FNDC3A: variants seen among roughly 807,000 people sequenced by gnomAD.
FNDC3A encodes fibronectin type-III domain-containing protein 3A.
Under a neutral mutation model 148.9 loss-of-function variants are expected in FNDC3A, and 32 were observed. The ratio of observed to expected loss-of-function variants is 0.21; its 90% CI spans 0.16 to 0.29. The LOEUF is 0.29. Ranked by LOEUF, FNDC3A falls within the 10% of genes least tolerant of loss-of-function variation. The pLI, the probability that FNDC3A is intolerant of heterozygous loss-of-function variation, is 1.00. For missense variants in FNDC3A, 1,191 were observed against 1,452.8 expected (o/e 0.82, Z 2.93); for synonymous variants, 472 against 473.6 (o/e 1.00, Z 0.04).
chr13:49,116,713 G>A (rs1880985139), intron 4 of FNDC3A, among the ~76,000 whole-genome samples: 5 of 151,520 alleles, frequency 3.3e-5, no homozygotes, highest in Admixed American at 3.3e-4. Context: ...TTGAACCTGG[G>A]AGGCGGAGGT....
intron 10 of FNDC3A, among the ~76,000 whole-genome samples, chr13:49,170,933 A>T (rs893578907): frequency 6.6e-6 from 1 of 152,162 alleles, no homozygotes; most frequent in East Asian, 1.9e-4. Context: ...AGTCATTAAC[A>T]CTTGGAAAAT....
intron 2 of FNDC3A, among the ~76,000 whole-genome samples, chr13:49,064,711 G>C (rs1259728142): frequency 6.6e-6 from 1 of 152,272 alleles, no homozygotes; most frequent in East Asian, 1.9e-4. Context: ...TCCTCCTGGG[G>C]TGGAGACTTT....
At chr13:49,146,478 T>A (rs1354999944) in intron 8 of FNDC3A, 1 of 152,550 alleles carries the variant, frequency 6.6e-6, no homozygotes, top group East Asian at 1.9e-4. Flanking sequence ...GGCTCACGCC[T>A]GTAATCCCAG....
chr13:48,994,740 G>T (rs1425520336), intron 1 of FNDC3A, among the ~76,000 whole-genome samples: 1 of 151,594 alleles, frequency 6.6e-6, no homozygotes, highest in Non-Finnish European at 1.5e-5. Context: ...ATGTGCCACT[G>T]CTCTCCAGCC....
chr13:49,028,903 A>G (rs1252539255), intron 2 of FNDC3A, among the ~76,000 whole-genome samples: 1 of 152,226 alleles, frequency 6.6e-6, no homozygotes, highest in Non-Finnish European at 1.5e-5. Flanking sequence ...CATGTATAAT[A>G]TTTTCAAGTA....
intron 15 of FNDC3A, 111 bp downstream of exon 15, chr13:49,186,213 C>A: frequency 2.3e-6 from 2 of 887,510 alleles, no homozygotes; most frequent in South Asian, 1.8e-5. Flanking sequence ...TCAAGCCAGT[C>A]CAAAAAGAAA....
At position 49,182,599 on chromosome 13, in the gene FNDC3A, A is replaced by G. The variant is rs569719424; in HGVS notation, c.1618-3365A>G. Among the ~76,000 whole-genome samples, 6 of 152,116 alleles carry G rather than the reference A, an allele frequency of 3.9e-5. No homozygotes were observed. In the South Asian group the frequency reaches 1.0e-3, roughly 26 times the overall value. ...GATGTAGTAAGGCTTCTAAAGGTCA[A>G]GTTATCTTGAGCTAAGAACCTTTAG... On this transcript the variant is annotated intron_variant, in intron 14 of 25. Transcript: ENST00000492622.
In FNDC3A at chr13:49,175,554, A is replaced by C; in HGVS notation, c.1530+13A>C. 1.3e-6 allele frequency: 2 copies of C among 1,572,806 alleles called. No homozygotes were observed. Among genetic ancestry groups the C allele is most frequent in the Admixed American group, 3.5e-5 (2 of 56,634 alleles). On this transcript the variant is annotated intron_variant, in intron 13 of 25. Transcript: ENST00000492622. ...GGAAGAAACTTCAGTAAGTGCAAATATGGATTTTAAATAGTGTATTTAAAA... is the reference window on the plus strand; with the variant it reads ...GGAAGAAACTTCAGTAAGTGCAAATCTGGATTTTAAATAGTGTATTTAAAA...
chr13:49,198,502 G>A lies in FNDC3A; in HGVS notation c.2915G>A (p.Gly972Glu). 2 of 1,614,160 alleles carry A rather than the reference G, an allele frequency of 1.2e-6. No homozygotes were observed. The highest frequency in any genetic ancestry group is 1.7e-6 in the Non-Finnish European group (2 of 1,179,998). Residue 972 changes from glycine to glutamate, a missense_variant, in exon 23 of 26, where the codon GGA becomes GAA. Physicochemically the swap from Gly to Glu is moderately conservative, Grantham distance 98. Transcript: ENST00000492622. ...FSHQNLKLKWGEGTPKTLSTD... is the reference protein window; with the variant it reads ...FSHQNLKLKWEEGTPKTLSTD... ...CACCAGAACCTTAAGCTGAAATGGG[G>A]AGAAGGAACTCCAAAGACATTGTCA...
intron 3 of FNDC3A, among the ~76,000 whole-genome samples, chr13:49,103,496 G>A (rs1879985466): frequency 6.6e-6 from 1 of 152,184 alleles, no homozygotes; most frequent in Non-Finnish European, 1.5e-5. Flanking sequence ...TGGGTTATAA[G>A]CAGAGGAGGA....
At chr13:48,981,774 G>T (rs535492501) in intron 1 of FNDC3A, among the ~76,000 whole-genome samples, 5 of 151,952 alleles carry the variant, frequency 3.3e-5, no homozygotes, top group Non-Finnish European at 7.4e-5. Context: ...TGGTGTAAAA[G>T]TTACCTAAGT....
intron 4 of FNDC3A, among the ~76,000 whole-genome samples, chr13:49,121,016 C>G (rs1412188121): frequency 1.3e-5 from 2 of 152,206 alleles, no homozygotes; most frequent in Non-Finnish European, 2.9e-5. Context: ...CTACAGAACT[C>G]TCCACCCCAA....
chr13:49,005,722 T>TTGAG (rs1318880336), intron 1 of FNDC3A, among the ~76,000 whole-genome samples: 2 of 151,922 alleles, frequency 1.3e-5, no homozygotes, highest in Non-Finnish European at 2.9e-5. Flanking sequence ...ATGAGGGGGA[T>TTGAG]TGAGTCTTCA....
At chr13:49,015,188 G>A (rs933674308) in intron 2 of FNDC3A, among the ~76,000 whole-genome samples, 71 of 152,230 alleles carry the variant, frequency 4.7e-4, no homozygotes, top group Admixed American at 3.6e-3. Context: ...ATTACCTTGG[G>A]CAGTATGGCC....
chr13:49,174,707 G>A, intron 12 of FNDC3A, 148 bp downstream of exon 12: 1 of 657,940 alleles, frequency 1.5e-6, no homozygotes, highest in Non-Finnish European at 2.5e-6. Flanking sequence ...TACCAGTCTA[G>A]CAAAAGCTAT....
chr13:49,013,488 A>G (rs1856496419), intron 2 of FNDC3A, among the ~76,000 whole-genome samples: 1 of 150,294 alleles, frequency 6.7e-6, no homozygotes, highest in East Asian at 1.9e-4. Context: ...GTATACATGT[A>G]TATACATGTA....
At position 49,208,113 on chromosome 13, in the gene FNDC3A, A is replaced by G. The variant is rs1003794967; in HGVS notation, c.*718A>G. On this transcript the variant is annotated 3_prime_UTR_variant, in exon 26 of 26. Transcript: ENST00000492622. ...TCAGGTCTTGAGAACATGGAAAAGA[A>G]TTGAGTGCTTTTAAATACTTTTTAG... The G allele has an allele frequency of 3.9e-5, 6 of 152,264 alleles. No individual in the cohort carries two copies. Among genetic ancestry groups the G allele is most frequent in the Admixed American group, 2.6e-4 (4 of 15,282 alleles). 9.4% of individuals were successfully genotyped at this position (152,264 alleles called of 1,614,324 possible). A position where few individuals can be genotyped will look rare whatever the true frequency, so the allele number is the denominator to read the frequency against.
chr13:48,999,212 G>C (rs1309285386), intron 1 of FNDC3A, among the ~76,000 whole-genome samples: 1 of 152,186 alleles, frequency 6.6e-6, no homozygotes, highest in Non-Finnish European at 1.5e-5. Flanking sequence ...CTGGAAGGCA[G>C]GACCATCACC....
rs539415879 is a variant in FNDC3A, at chr13:49,196,015, A to G, written c.2227-862A>G. ...CTTGAGCCCAGGAAGTCGAGGGTGC[A>G]GTGAGCCATGTTTGCACCACTGCAC... On this transcript the variant is annotated intron_variant, in intron 19 of 25. Transcript: ENST00000492622. Among the ~76,000 whole-genome samples the G allele has an allele frequency of 2.1e-5, 3 of 144,842 alleles. No individual in the cohort carries two copies. The East Asian group carries it at 6.5e-4, about 31-fold the overall frequency.
Sources: gnomAD v4.1 joint callset for allele counts (sites outside exome capture counted in the v4.1 genomes callset) on GRCh38, gnomAD v4.1.1 for gene constraint, MANE v1.5 for transcripts, NCBI Gene and HGNC (gene_info 2026-07-23, HGNC 2026-07-21) for gene names.